SPATA21: variants seen among roughly 807,000 people sequenced by gnomAD.
SPATA21 encodes the protein spermatogenesis associated 21.
A neutral mutation model predicts 54.8 loss-of-function variants in SPATA21; 47 were observed. The observed-to-expected ratio is 0.86, with a 90% CI of 0.68 to 1.09. SPATA21 has a LOEUF of 1.09. Ranked by LOEUF, SPATA21 falls within the 50% of genes least tolerant of loss-of-function variation. SPATA21 has a pLI of 0.00. For synonymous variants in SPATA21, 245 were observed against 235.3 expected (o/e 1.04, Z -0.38); for missense variants, 599 against 596.4 (o/e 1.00, Z -0.05).
intron 5 of SPATA21, among the ~76,000 whole-genome samples, chr1:16,413,492 TCTC>T (rs1382847213): frequency 6.6e-6 from 1 of 152,224 alleles, no homozygotes; most frequent in Non-Finnish European, 1.5e-5. Context: ...TGTACAAAGA[TCTC>T]CTTGAGATCC....
At chr1:16,398,549 C>T (rs548129317), downstream of SPATA21, 15 of 575,168 alleles carry the variant, frequency 2.6e-5, no homozygotes, top group South Asian at 2.0e-4. Context: ...ATCCCAACCC[C>T]GCGCAGGGCT....
chr1:16,396,265 C>T (rs1314292998), downstream of SPATA21: 3 of 152,350 alleles, frequency 2.0e-5, no homozygotes, highest in Non-Finnish European at 4.4e-5. Context: ...CTGCAGTGCT[C>T]CATCTCCATT....
chr1:16,424,421 T>G (rs1242895657), intron 3 of SPATA21, among the ~76,000 whole-genome samples: 1 of 151,450 alleles, frequency 6.6e-6, no homozygotes, highest in Admixed American at 6.6e-5. Context: ...ATTTATTTTT[T>G]TATTTTTATT....
chr1:16,422,735 T>A (rs2086207319), intron 3 of SPATA21, among the ~76,000 whole-genome samples: 1 of 152,114 alleles, frequency 6.6e-6, no homozygotes, highest in Admixed American at 6.6e-5. Context: ...CTTGAACTCC[T>A]GGGCTCAAGC....
chr1:16,405,594 C>T (rs2085613627), intron 7 of SPATA21, among the ~76,000 whole-genome samples: 2 of 151,726 alleles, frequency 1.3e-5, no homozygotes, highest in African/African-American at 4.8e-5. Context: ...CCAGGAGATC[C>T]AGGAAGCAGT....
chr1:16,414,494 T>C (rs796874261), intron 5 of SPATA21, among the ~76,000 whole-genome samples: 5 of 152,356 alleles, frequency 3.3e-5, no homozygotes, highest in African/African-American at 7.2e-5. Context: ...AATATGTATG[T>C]TAACTAAACA....
rs1470783472 is a variant in SPATA21, at chr1:16,428,065, C to T, written c.34+3273G>A. 1.1e-5 allele frequency: 17 copies of T among 1,515,732 alleles called. No individual in the cohort carries two copies. Among genetic ancestry groups the T allele is most frequent in the East Asian group, 2.5e-5 (1 of 39,618 alleles). 93.9% of individuals were successfully genotyped at this position (1,515,732 alleles called of 1,614,324 possible). A position where few individuals can be genotyped will look rare whatever the true frequency, so the allele number is the denominator to read the frequency against. ...GGCTTGAGGGCTGGCATTGAGTACC[C>T]GTTCTGGAGTGATCCCTCCCACTCC... On this transcript the variant is annotated intron_variant, in intron 3 of 12. Coordinates refer to ENST00000335496, the MANE Select transcript of SPATA21 (RefSeq NM_198546.1). This position sits in a 1 kb window ranked among gnomAD's most constrained non-coding sequence, Gnocchi z 4.3.
intron 5 of SPATA21, among the ~76,000 whole-genome samples, chr1:16,417,622 G>T (rs955602947): frequency 6.6e-5 from 10 of 151,796 alleles, no homozygotes; most frequent in East Asian, 1.9e-4. Context: ...TAGAGACGGG[G>T]TTTTTTTTCC....
Position 16,406,896 on chromosome 1 carries a change from T to A in SPATA21, c.674-1792A>T, listed in dbSNP as rs79087399. On this transcript the variant is annotated intron_variant, in intron 7 of 12. Transcript: ENST00000335496. ...AGAAGAAAGCAACCTGCCGACCCCC[T>A]GATCTTGGACTTCCAGCCTGTGACA... Among the ~76,000 whole-genome samples, 339 of 152,316 alleles carry A rather than the reference T, an allele frequency of 2.2e-3. 2 individuals are homozygous for A. Among genetic ancestry groups the A allele is most frequent in the Middle Eastern group, 6.8e-3 (2 of 294 alleles).
chr1:16,423,536 C>G (rs1202410030), intron 3 of SPATA21, among the ~76,000 whole-genome samples: 5 of 144,306 alleles, frequency 3.5e-5, no homozygotes, highest in African/African-American at 1.3e-4. Context: ...CTTTCTCTCT[C>G]TCCTTTTTTT....
intron 3 of SPATA21, chr1:16,427,804 G>A (rs1022631821): frequency 4.0e-6 from 6 of 1,496,340 alleles, no homozygotes; most frequent in East Asian, 5.1e-5. Flanking sequence ...TCTCTCCCCC[G>A]CGGGTGGGCT....
intron 3 of SPATA21, chr1:16,427,912 C>A: frequency 6.5e-7 from 1 of 1,550,158 alleles, no homozygotes; most frequent in Non-Finnish European, 8.7e-7. Flanking sequence ...CTCTGAAGGC[C>A]CCTTCTCAAA....
intron 1 of SPATA21, among the ~76,000 whole-genome samples, chr1:16,433,934 C>A (rs188856869): frequency 1.3e-3 from 200 of 152,250 alleles, no homozygotes; most frequent in Admixed American, 2.4e-3. Context: ...AGTTGTACCA[C>A]CCTCGCCCTA....
intron 1 of SPATA21, among the ~76,000 whole-genome samples, chr1:16,436,715 G>A (rs559130722): frequency 6.6e-6 from 1 of 151,872 alleles, no homozygotes; most frequent in South Asian, 2.1e-4. Flanking sequence ...GCAGTGAGCA[G>A]AGACTGCACC....
intron 3 of SPATA21, chr1:16,425,518 G>A: frequency 6.5e-7 from 1 of 1,548,476 alleles, no homozygotes; most frequent in Non-Finnish European, 8.7e-7. Flanking sequence ...AGATCTCCTA[G>A]GTTACCTGGC....
rs767794672 is a variant in SPATA21 at position 16,399,492 on chromosome 1, C to T, written c.1204G>A (p.Val402Met). The T allele has an allele frequency of 2.5e-6, 4 of 1,613,854 alleles. No homozygotes were observed. Among genetic ancestry groups the T allele is most frequent in the East Asian group, 2.2e-5 (1 of 44,892 alleles). Residue 402 changes from valine (V) to methionine (M), a missense_variant, in exon 12 of 13, where the codon GTG becomes ATG. Physicochemically the swap from Val to Met is conservative, Grantham distance 21 (BLOSUM62 1). Transcript: ENST00000335496. ...TGTGGGCAGAGCAGGATGCAGGGCA[C>T]CTGGGCATAGGGGCTCTGCAGGTTG... ...APNLQSPYAQ[V>M]PCILLCPQLD...
chr1:16,409,174 T>A lies in SPATA21; in HGVS notation c.617A>T (p.Lys206Met). 1 of 1,614,096 alleles carries A rather than the reference T, an allele frequency of 6.2e-7. No individual in the cohort carries two copies. The highest frequency in any genetic ancestry group is 2.2e-5 in the East Asian group (1 of 44,864). The change falls in exon 7 of 13, where the codon AAG (lysine) becomes ATG (methionine). Residue 206 changes from lysine (K) to methionine (M), a missense_variant. Transcript: ENST00000335496. This position sits in a 1 kb window ranked among gnomAD's most constrained non-coding sequence, Gnocchi z 4.1. ...GGACTTCTCCCGGTTTTGATAAAGC[T>A]TTTGGAGGCTCTGCTCTTCCGGCTC... ...RQEPEEQSLQ[K>M]LYQNREKSEE... is the part of the protein sequence containing the mutation.
chr1:16,406,090 T>C (rs188309169), intron 7 of SPATA21, among the ~76,000 whole-genome samples: 232 of 151,742 alleles, frequency 1.5e-3, no homozygotes, highest in African/African-American at 5.5e-3. Context: ...GACAGCAGAG[T>C]GAGTCAAGGG....
At chr1:16,402,457 T>G (rs2085482351) in intron 10 of SPATA21, among the ~76,000 whole-genome samples, 1 of 151,426 alleles carries the variant, frequency 6.6e-6, no homozygotes, top group Non-Finnish European at 1.5e-5. Flanking sequence ...GAGACGAGGT[T>G]TCACCATGTT....
Sources: allele counts gnomAD v4.1 joint callset (sites outside exome capture counted in the v4.1 genomes callset), GRCh38; gene constraint gnomAD v4.1.1; non-coding constraint Gnocchi (gnomAD v3.1); transcripts MANE v1.5; gene names NCBI Gene and HGNC (gene_info 2026-07-23, HGNC 2026-07-21).